Variants in CIMAP1B observed in about 807,000 individuals in gnomAD.
CIMAP1B encodes ciliary microtubule associated protein 1B, also known as orf2 5' to PD-ECGF/TP.
chr22:50,531,114 G>C, the CIMAP1B span: 2 of 1,587,306 alleles, frequency 1.3e-6, no homozygotes, highest in South Asian at 1.1e-5. Flanking sequence ...GCGCAGGGTG[G>C]TCCCAGCTCC....
At chr22:50,532,268 G>C in the CIMAP1B span, 1 of 800,740 alleles carries the variant, frequency 1.2e-6, no homozygotes, top group Non-Finnish European at 1.7e-6. Flanking sequence ...GCTGTGTGGA[G>C]CTTGGGGCCG....
the CIMAP1B span, chr22:50,531,766 G>T: frequency 7.3e-7 from 1 of 1,367,808 alleles, no homozygotes; most frequent in Non-Finnish European, 9.4e-7. Flanking sequence ...GGTCATGCAG[G>T]GCGTAGCCTG....
the CIMAP1B span, chr22:50,531,919 C>T: frequency 6.8e-6 from 9 of 1,314,020 alleles, no homozygotes; most frequent in Admixed American, 2.1e-4. Flanking sequence ...TTCCCCTTCC[C>T]TCCCCCAGGC....
the CIMAP1B span, chr22:50,532,000 G>A: frequency 2.2e-6 from 3 of 1,358,542 alleles, no homozygotes; most frequent in Non-Finnish European, 1.9e-6. Context: ...ATTTGGGCCC[G>A]GGGCCTCCGT....
At chr22:50,530,968 G>T in the CIMAP1B span, 5 of 1,611,302 alleles carry the variant, frequency 3.1e-6, no homozygotes, top group South Asian at 2.2e-5. Context: ...ACTGCCAGCC[G>T]CTCTGCGGCC....
the CIMAP1B span, chr22:50,530,888 A>G: frequency 6.8e-6 from 11 of 1,607,122 alleles, no homozygotes; most frequent in East Asian, 1.6e-4. Flanking sequence ...TGCCGCCTCC[A>G]CTGCCGCGGA....
the CIMAP1B span, chr22:50,532,235 A>G: frequency 9.5e-7 from 1 of 1,050,502 alleles, no homozygotes; most frequent in Non-Finnish European, 1.2e-6. Context: ...GCGCCAGCAA[A>G]ACAAACGCGA....
the CIMAP1B span, chr22:50,531,973 G>A: frequency 2.2e-6 from 3 of 1,343,358 alleles, no homozygotes; most frequent in South Asian, 1.9e-5. Flanking sequence ...TTCTACCGGT[G>A]TTGGGCGGCA....
the CIMAP1B span, chr22:50,532,026 G>C: frequency 1.5e-6 from 2 of 1,348,388 alleles, no homozygotes; most frequent in Non-Finnish European, 1.9e-6. Flanking sequence ...GCCGCGATGG[G>C]GCCGCGGGGC....
the CIMAP1B span, chr22:50,531,756 G>A: frequency 7.3e-7 from 1 of 1,373,026 alleles, no homozygotes; most frequent in Non-Finnish European, 9.4e-7. Context: ...GGCCGCGACG[G>A]GTCATGCAGG....
At chr22:50,531,405 C>T in the CIMAP1B span, 1 of 1,111,294 alleles carries the variant, frequency 9.0e-7, no homozygotes, top group Non-Finnish European at 1.3e-6. Flanking sequence ...TTTATCAAAG[C>T]CCCGTGGGGT....
chr22:50,530,439 A>G, the CIMAP1B span: 24 of 1,547,478 alleles, frequency 1.6e-5, no homozygotes, highest in Non-Finnish European at 2.1e-5. Context: ...GGACTCGCAG[A>G]CTTTAAGCAA....
At chr22:50,531,820 C>T in the CIMAP1B span, 1 of 1,342,522 alleles carries the variant, frequency 7.4e-7, no homozygotes, top group Non-Finnish European at 9.6e-7. Flanking sequence ...CCCCAAGCCC[C>T]ATCTGCAACA....
the CIMAP1B span, chr22:50,531,924 C>T: frequency 6.8e-6 from 9 of 1,314,088 alleles, no homozygotes; most frequent in Non-Finnish European, 7.8e-6. Flanking sequence ...CTTCCCTCCC[C>T]CAGGCGCCGT....
the CIMAP1B span, chr22:50,532,182 T>A: frequency 3.9e-6 from 5 of 1,283,856 alleles, no homozygotes; most frequent in Non-Finnish European, 5.0e-6. Flanking sequence ...CCCACTACCC[T>A]GGGATCAGCG....
the CIMAP1B span, chr22:50,530,823 C>T: frequency 5.6e-6 from 9 of 1,604,516 alleles, no homozygotes; most frequent in Middle Eastern, 1.7e-4. Flanking sequence ...CCCCTGGACT[C>T]ACGACCTGAT....
At chr22:50,530,865 A>G in the CIMAP1B span, 1 of 1,605,874 alleles carries the variant, frequency 6.2e-7, no homozygotes, top group African/African-American at 1.3e-5. Context: ...GCGAGAGGGC[A>G]GAGGGTGCTG....
At chr22:50,532,113 T>G in the CIMAP1B span, 46 of 1,340,184 alleles carry the variant, frequency 3.4e-5, no homozygotes, top group Non-Finnish European at 4.3e-5. Context: ...TCGCAGCACC[T>G]GCGGACAGAA....
At chr22:50,531,918 C>T in the CIMAP1B span, 4 of 1,313,954 alleles carry the variant, frequency 3.0e-6, no homozygotes, top group Non-Finnish European at 3.9e-6. Context: ...CTTCCCCTTC[C>T]CTCCCCCAGG....
Sources: allele counts gnomAD v4.1 joint callset, GRCh38; gene constraint gnomAD v4.1.1; transcripts MANE v1.5; gene names NCBI Gene and HGNC (gene_info 2026-07-23, HGNC 2026-07-21).